RNF38: variants seen among roughly 807,000 people sequenced by gnomAD.
The protein encoded by RNF38 is E3 ubiquitin-protein ligase RNF38.
RNF38 carries 15 observed loss-of-function variants against 67.2 expected under a neutral mutation model. The ratio of observed to expected loss-of-function variants is 0.22; its 90% confidence interval spans 0.15 to 0.34. The LOEUF is 0.34. RNF38 is among the 10% of genes least tolerant of loss of function. RNF38 has a pLI of 1.00. For missense variants in RNF38, 524 were observed against 639.9 expected (o/e 0.82, Z 1.95); for synonymous variants, 220 against 218.8 (o/e 1.01, Z -0.05).
intron 4 of RNF38, among the ~76,000 whole-genome samples, chr9:36,367,147 T>C (rs1418226873): frequency 6.6e-6 from 1 of 152,154 alleles, no homozygotes; most frequent in African/African-American, 2.4e-5. Flanking sequence ...CCCCTTTGCC[T>C]CCTGACAGAC....
chr9:36,342,672 TA>T (rs74910772), intron 10 of RNF38, among the ~76,000 whole-genome samples: 1 of 152,256 alleles, frequency 6.6e-6, no homozygotes, highest in East Asian at 1.9e-4. Flanking sequence ...CTATACTATT[TA>T]AAAAAAAATG....
chr9:36,414,237 A>G (rs561834321), intron 2 of RNF38, among the ~76,000 whole-genome samples: 4 of 152,188 alleles, frequency 2.6e-5, no homozygotes, highest in Non-Finnish European at 4.4e-5. Context: ...GGCCATTTAC[A>G]TTCAACGTTA....
chr9:36,401,179 T>G, upstream of RNF38: 3 of 982,678 alleles, frequency 3.1e-6, no homozygotes, highest in Non-Finnish European at 3.6e-6. Flanking sequence ...ACCCCCTTTG[T>G]TTCCACCCCG....
rs552634743 is a variant in RNF38 at position 36,396,974 on chromosome 9, T to C, written c.12+3123A>G. On this transcript the variant is annotated intron_variant, in intron 1 of 11. Coordinates refer to ENST00000259605, the MANE Select transcript of RNF38 (RefSeq NM_022781.5). ...ACTGAAAGGAATAAAAAAAAAATCA[T>C]TCTCTCACTACACAACGGTCACAAT... Among the ~76,000 whole-genome samples the C allele has an allele frequency of 4.0e-5, 6 of 150,012 alleles. No homozygotes were observed. The East Asian group carries it at 1.2e-3, about 29-fold the overall frequency.
intron 1 of RNF38, among the ~76,000 whole-genome samples, chr9:36,448,840 T>C (rs1239284747): frequency 6.6e-6 from 1 of 151,648 alleles, no homozygotes; most frequent in African/African-American, 2.4e-5. Flanking sequence ...CCTGTCTCTA[T>C]TAAAAATACA....
intron 11 of RNF38, among the ~76,000 whole-genome samples, chr9:36,341,452 T>TA (rs1832820557): frequency 6.6e-6 from 1 of 151,874 alleles, no homozygotes; most frequent in African/African-American, 2.4e-5. Flanking sequence ...TTTGACTATA[T>TA]TTTTTTTATA....
chr9:36,354,350 C>T (rs1191642374), intron 6 of RNF38, among the ~76,000 whole-genome samples: 1 of 152,186 alleles, frequency 6.6e-6, no homozygotes, highest in African/African-American at 2.4e-5. Flanking sequence ...CGCCACCACA[C>T]CTGGCTACTT....
At chr9:36,397,357 A>G (rs1167905540) in intron 1 of RNF38, among the ~76,000 whole-genome samples, 3 of 152,034 alleles carry the variant, frequency 2.0e-5, no homozygotes, top group Non-Finnish European at 4.4e-5. Context: ...CAGGTGATCC[A>G]CCAACCTCGG....
intron 8 of RNF38, among the ~76,000 whole-genome samples, chr9:36,351,511 T>C (rs903668734): frequency 6.6e-6 from 1 of 152,168 alleles, no homozygotes; most frequent in Non-Finnish European, 1.5e-5. Context: ...AGCACTTAAG[T>C]AAAAACTCAC....
intron 1 of RNF38, among the ~76,000 whole-genome samples, chr9:36,481,020 T>C (rs1840247281): frequency 6.7e-6 from 1 of 149,668 alleles, no homozygotes. Flanking sequence ...CTCTTTCTTT[T>C]TTTTTTTTTT....
intron 9 of RNF38, among the ~76,000 whole-genome samples, chr9:36,347,157 T>G (rs1412983810): frequency 8.1e-6 from 1 of 123,056 alleles, no homozygotes; most frequent in African/African-American, 3.2e-5. Flanking sequence ...GGGAAGTAAA[T>G]TGCCAAATTG....
intron 2 of RNF38, among the ~76,000 whole-genome samples, chr9:36,408,183 T>C (rs1158229262): frequency 6.6e-6 from 1 of 152,024 alleles, no homozygotes; most frequent in Non-Finnish European, 1.5e-5. Flanking sequence ...ACTGCCCCCT[T>C]GAATTCCTGG....
upstream of RNF38, chr9:36,400,620 T>G (rs1837942690): frequency 2.0e-6 from 2 of 985,798 alleles, no homozygotes; most frequent in Non-Finnish European, 2.4e-6. Flanking sequence ...CGCCTCCTAT[T>G]GTGACTGCTC....
chr9:36,339,506 C>T lies in RNF38; in HGVS notation c.*246G>A. The T allele has an allele frequency of 4.2e-6, 2 of 474,118 alleles. No individual in the cohort carries two copies. The highest frequency in any genetic ancestry group is 7.6e-6 in the Non-Finnish European group (2 of 262,656). The allele number at this position is 474,118 out of a possible 1,614,324, so 29.4% of individuals were successfully genotyped here. A position where few individuals can be genotyped will look rare whatever the true frequency, so the allele number is the denominator to read the frequency against. ...ACACAAAAACCAGGGAATGTTAGTGCACACACAAAATTAAGCTAAAGAAAA... is the reference window on the plus strand; with the variant it reads ...ACACAAAAACCAGGGAATGTTAGTGTACACACAAAATTAAGCTAAAGAAAA... On this transcript the variant is annotated 3_prime_UTR_variant, in exon 12 of 12. Coordinates refer to ENST00000259605, the MANE Select transcript of RNF38 (RefSeq NM_022781.5).
At chr9:36,440,484 T>C (rs544444359) in intron 1 of RNF38, among the ~76,000 whole-genome samples, 1 of 151,838 alleles carries the variant, frequency 6.6e-6, no homozygotes, top group African/African-American at 2.4e-5. Context: ...TGAACCAAGA[T>C]TGTGCCATTG....
chr9:36,353,372 A>G, intron 6 of RNF38, 41 bp from the exon 7 acceptor site: 2 of 1,318,494 alleles, frequency 1.5e-6, no homozygotes, highest in Non-Finnish European at 2.0e-6. Flanking sequence ...GTATATATAT[A>G]TATACTTCCT....
chr9:36,478,273 G>A (rs1027542417), intron 1 of RNF38, among the ~76,000 whole-genome samples: 1 of 151,214 alleles, frequency 6.6e-6, no homozygotes, highest in African/African-American at 2.4e-5. Context: ...GCGTGGTAGC[G>A]GGCATCTGTA....
intron 1 of RNF38, among the ~76,000 whole-genome samples, chr9:36,443,199 T>A (rs976257959): frequency 2.0e-5 from 3 of 152,208 alleles, no homozygotes; most frequent in African/African-American, 7.2e-5. Context: ...AAATATTAAA[T>A]GGATTGTCCG....
intron 1 of RNF38, among the ~76,000 whole-genome samples, chr9:36,399,153 C>T (rs925168389): frequency 1.3e-5 from 2 of 152,130 alleles, no homozygotes; most frequent in Non-Finnish European, 2.9e-5. Context: ...TCAATATTCA[C>T]CCAGAGTAAT....
Sources: gnomAD v4.1 joint callset for allele counts (sites outside exome capture counted in the v4.1 genomes callset) on GRCh38, gnomAD v4.1.1 for gene constraint, MANE v1.5 for transcripts, NCBI Gene and HGNC (gene_info 2026-07-23, HGNC 2026-07-21) for gene names.